Variants in WDR72 observed in about 807,000 individuals in gnomAD.
WDR72 encodes WD repeat-containing protein 72.
Under a neutral mutation model 124.2 loss-of-function variants are expected in WDR72, and 120 were observed. That is an observed-to-expected ratio of 0.97 (90% CI 0.83 to 1.12). WDR72 has a LOEUF of 1.12. Ranked by LOEUF, WDR72 falls within the 50% of genes most tolerant of loss-of-function variation. The pLI, the probability that WDR72 is intolerant of heterozygous loss-of-function variation, is 0.00. For synonymous variants in WDR72, 452 were observed against 441.7 expected, an observed-to-expected ratio of 1.02 and a Z score of -0.29; for missense variants, 1,387 against 1,278.8, an observed-to-expected ratio of 1.08 and a Z score of -1.29.
chr15:53,737,792 T>C (rs2018399568), intron 1 of WDR72, among the ~76,000 whole-genome samples: 1 of 152,162 alleles, frequency 6.6e-6, no homozygotes, highest in Non-Finnish European at 1.5e-5. Context: ...ACCACATAAT[T>C]TGTATTAGTA....
intron 14 of WDR72, 65 bp from the exon 15 acceptor site, chr15:53,616,308 G>T: frequency 7.2e-7 from 1 of 1,390,108 alleles, no homozygotes; most frequent in Non-Finnish European, 1.0e-6. Context: ...ATTCCATGAT[G>T]TTAAAGTGGC....
At chr15:53,664,805 T>A (rs556233350) in intron 14 of WDR72, among the ~76,000 whole-genome samples, 3 of 152,002 alleles carry the variant, frequency 2.0e-5, no homozygotes, top group Non-Finnish European at 4.4e-5. Flanking sequence ...CCAGCAATGA[T>A]AGACACACCA....
chr15:53,631,907 T>G (rs547308735), intron 14 of WDR72, among the ~76,000 whole-genome samples: 1 of 152,090 alleles, frequency 6.6e-6, no homozygotes, highest in Non-Finnish European at 1.5e-5. Flanking sequence ...AGAAATGACC[T>G]GAAATTGGAA....
rs982209559 is a variant in WDR72, at chr15:53,711,441, A to C, written c.752T>G (p.Val251Gly). 3 of 1,614,006 alleles carry C rather than the reference A, an allele frequency of 1.9e-6. No homozygotes were observed. Among genetic ancestry groups the C allele is most frequent in the Non-Finnish European group, 2.5e-6 (3 of 1,179,906 alleles). ...AGCAAAGAACTGCCCATTTCTACTA[A>C]CTTCAGTCAGCAGAAGGGAAAAATC... ...YCDFSLLLTE[V>G]SRNGQFFAGG... is the part of the protein sequence containing the mutation. The change falls in exon 8 of 20, where the codon GTT becomes GGT. Residue 251 changes from valine (V) to glycine (G), a missense_variant. By Grantham distance (109) the Val-to-Gly change is moderately radical. Transcript: ENST00000360509.
At position 53,699,809 on chromosome 15, in the gene WDR72, T is replaced by C; in HGVS notation, c.1706A>G (p.Glu569Gly). 1 of 1,614,210 alleles carries C rather than the reference T, an allele frequency of 6.2e-7. No homozygotes were observed. Among genetic ancestry groups the C allele is most frequent in the Non-Finnish European group, 8.5e-7 (1 of 1,180,026 alleles). The change falls in exon 13 of 20, where the codon GAG becomes GGG. Residue 569 changes from glutamate (E) to glycine (G), a missense_variant. Glu to Gly is a moderately conservative substitution (Grantham distance 98). Transcript: ENST00000360509. The part of the protein sequence containing the change: ...PVRMIKWHPV[E>G]NFLIVGCADD... ...TGCACATCCAACAATTAAAAAATTC[T>C]CAACCGGGTGCCATTTTATCATCCT...
rs200748257 is a variant in WDR72, at chr15:53,702,154, T to A, written c.1549A>T (p.Met517Leu). 2.5e-6 allele frequency: 4 copies of A among 1,613,754 alleles called. No homozygotes were observed. The East Asian group carries it at 8.9e-5, about 36-fold the overall frequency. The change falls in exon 12 of 20, where the codon ATG becomes TTG. Residue 517 changes from methionine to leucine, a missense_variant. Physicochemically the swap from Met to Leu is conservative, Grantham distance 15. Transcript: ENST00000360509. ...LEAGPVTSLLMSPEKFKLRGE... is the reference protein window; with the variant it reads ...LEAGPVTSLLLSPEKFKLRGE... ...CTTACTTTAAACTTCTCTGGTGACA[T>A]CAAAAGACTTGTTACTGGACCAGCT...
intron 18 of WDR72, 120 bp downstream of exon 18, chr15:53,596,959 G>A: frequency 1.0e-6 from 1 of 953,278 alleles, no homozygotes; most frequent in Non-Finnish European, 1.7e-6. Flanking sequence ...ACTAGTGAAT[G>A]TCTATCACTT....
At chr15:53,608,425 C>T (rs1315741234) in intron 17 of WDR72, among the ~76,000 whole-genome samples, 1 of 152,082 alleles carries the variant, frequency 6.6e-6, no homozygotes, top group African/African-American at 2.4e-5. Context: ...CACAGATACA[C>T]TAATATTGCA....
chr15:53,670,477 G>C (rs931849919), intron 13 of WDR72, among the ~76,000 whole-genome samples: 5 of 152,148 alleles, frequency 3.3e-5, no homozygotes, highest in African/African-American at 1.2e-4. Flanking sequence ...TAAAACCAGA[G>C]CTTTCTCTAT....
At chr15:53,745,896 A>G (rs2018631784) in intron 1 of WDR72, among the ~76,000 whole-genome samples, 1 of 152,206 alleles carries the variant, frequency 6.6e-6, no homozygotes, top group Admixed American at 6.5e-5. Flanking sequence ...CTAACAGCCC[A>G]TCCAGAACTT....
chr15:53,678,400 C>T (rs1454361423), intron 13 of WDR72, among the ~76,000 whole-genome samples: 4 of 152,150 alleles, frequency 2.6e-5, no homozygotes, highest in Non-Finnish European at 4.4e-5. Context: ...GGAATGGCTA[C>T]ACAGGTTCCC....
chr15:53,631,884 A>G (rs1041008144), intron 14 of WDR72, among the ~76,000 whole-genome samples: 5 of 152,184 alleles, frequency 3.3e-5, no homozygotes, highest in Admixed American at 1.3e-4. Flanking sequence ...ATGAGCAAAG[A>G]GAAGTAGAGA....
At chr15:53,558,219 G>T (rs1893999991) in intron 18 of WDR72, among the ~76,000 whole-genome samples, 1 of 151,912 alleles carries the variant, frequency 6.6e-6, no homozygotes, top group Admixed American at 6.6e-5. Flanking sequence ...AGTTTTAATG[G>T]CAATTATCCT....
intron 13 of WDR72, among the ~76,000 whole-genome samples, chr15:53,674,724 T>C (rs896085394): frequency 1.3e-5 from 2 of 152,208 alleles, no homozygotes; most frequent in Non-Finnish European, 2.9e-5. Context: ...CAAACTTAGA[T>C]TGGCGTCACA....
chr15:53,752,294 T>G (rs1171714275), intron 1 of WDR72, among the ~76,000 whole-genome samples: 1 of 152,214 alleles, frequency 6.6e-6, no homozygotes, highest in African/African-American at 2.4e-5. Flanking sequence ...TCGGAGTACC[T>G]CCAAGTATGA....
chr15:53,579,517 TAAG>T (rs2011801162), intron 18 of WDR72, among the ~76,000 whole-genome samples: 1 of 151,982 alleles, frequency 6.6e-6, no homozygotes, highest in Admixed American at 6.6e-5. Context: ...GACTGGCAAA[TAAG>T]AACCACCAGA....
intron 18 of WDR72, among the ~76,000 whole-genome samples, chr15:53,559,323 A>T (rs1461878261): frequency 6.6e-6 from 1 of 152,046 alleles, no homozygotes; most frequent in Non-Finnish European, 1.5e-5. Flanking sequence ...AAGTACAATG[A>T]AAGTTTAAGA....
chr15:53,706,245 A>C (rs868406733), intron 9 of WDR72, among the ~76,000 whole-genome samples, 171 bp from the exon 10 acceptor site: 1 of 151,662 alleles, frequency 6.6e-6, no homozygotes, highest in South Asian at 2.1e-4. Flanking sequence ...TCTAGGACTA[A>C]AGAGGCTTTA....
At chr15:53,747,982 C>CTT (rs10625145) in intron 1 of WDR72, among the ~76,000 whole-genome samples, 47,212 of 147,908 alleles carry the variant, frequency 0.32, 9,019 homozygotes, top group East Asian at 0.46. Context: ...CAGTGAAAAT[C>CTT]TTTTTTTTTT....
Sources: gnomAD v4.1 joint callset for allele counts (sites outside exome capture counted in the v4.1 genomes callset) on GRCh38, gnomAD v4.1.1 for gene constraint, MANE v1.5 for transcripts, NCBI Gene and HGNC (gene_info 2026-07-23, HGNC 2026-07-21) for gene names.